GRM5: variants seen among roughly 807,000 people sequenced by gnomAD.
GRM5 encodes metabotropic glutamate receptor 5.
Under a neutral mutation model 83.1 loss-of-function variants are expected in GRM5, and 19 were observed. That is an observed-to-expected ratio of 0.23 (90% CI 0.16 to 0.34). The LOEUF (loss-of-function observed/expected upper bound fraction) is 0.34. Among genes scored for constraint, GRM5 ranks in the 10% least tolerant of loss-of-function variants. The pLI, the probability that GRM5 is intolerant of heterozygous loss-of-function variation, is 1.00. For synonymous variants in GRM5, 675 were observed against 633.6 expected (o/e 1.07, Z -0.98); for missense variants, 1,160 against 1,588.3 (o/e 0.73, Z 4.58).
At chr11:88,935,787 A>G (rs184143045) in intron 2 of GRM5, among the ~76,000 whole-genome samples, 54 of 152,058 alleles carry the variant, frequency 3.6e-4, no homozygotes, top group Admixed American at 2.6e-4. Flanking sequence ...GGTTGTTCAT[A>G]TATTATTTCC....
intron 4 of GRM5, among the ~76,000 whole-genome samples, chr11:88,624,415 G>A (rs1360583104): frequency 2.0e-5 from 3 of 152,132 alleles, no homozygotes; most frequent in Non-Finnish European, 1.5e-5. Flanking sequence ...GAGAGGATAA[G>A]AGAAAACCCG....
intron 2 of GRM5, among the ~76,000 whole-genome samples, chr11:89,002,891 C>T (rs1459294937): frequency 6.6e-6 from 1 of 152,040 alleles, no homozygotes. Context: ...CAGTAAGGCT[C>T]ACCCAGAGAA....
intron 2 of GRM5, among the ~76,000 whole-genome samples, chr11:88,978,474 TAAAAAAAAAAAAAAAAA>T (rs200343438): frequency 0.055 from 5,355 of 98,066 alleles, 486 homozygotes; most frequent in African/African-American, 0.19. Context: ...CAGATGAGCT[TAAAAAAAAAAAAAAAAA>T]AAAAAAAAAA....
intron 3 of GRM5, among the ~76,000 whole-genome samples, chr11:88,751,090 A>AAAT (rs1942264041): frequency 7.1e-6 from 1 of 140,358 alleles, no homozygotes. Context: ...AAAAAAAAAA[A>AAAT]AAAAACAAAG....
intron 1 of GRM5, among the ~76,000 whole-genome samples, chr11:89,062,239 A>G (rs901876771): frequency 1.3e-4 from 20 of 152,202 alleles, no homozygotes; most frequent in African/African-American, 4.8e-4. Flanking sequence ...AACTCCCTGC[A>G]CTCCATAAAG....
At chr11:88,695,229 G>C (rs1387299292) in intron 3 of GRM5, among the ~76,000 whole-genome samples, 2 of 152,030 alleles carry the variant, frequency 1.3e-5, no homozygotes. Context: ...ATAACCTCTA[G>C]AAATAGTTAC....
intron 3 of GRM5, among the ~76,000 whole-genome samples, chr11:88,799,963 G>A (rs1364994816): frequency 6.6e-6 from 1 of 152,118 alleles, no homozygotes; most frequent in East Asian, 1.9e-4. Flanking sequence ...CAATGGAAAT[G>A]AGAATCAACC....
intron 3 of GRM5, among the ~76,000 whole-genome samples, chr11:88,845,527 G>C (rs1286095630): frequency 7.0e-6 from 1 of 141,930 alleles, no homozygotes; most frequent in South Asian, 2.3e-4. Flanking sequence ...TCTGCCTCCC[G>C]GGTTTGCGCC....
intron 3 of GRM5, among the ~76,000 whole-genome samples, chr11:88,824,658 T>G (rs1943863383): frequency 6.6e-6 from 1 of 152,172 alleles, no homozygotes; most frequent in Non-Finnish European, 1.5e-5. Flanking sequence ...AATCTAATGC[T>G]ACCACTGATC....
chr11:88,598,473 G>T (rs1351761928), intron 5 of GRM5, among the ~76,000 whole-genome samples: 2 of 149,424 alleles, frequency 1.3e-5, no homozygotes, highest in East Asian at 2.0e-4. Context: ...CCTCATTCTT[G>T]TTTTGTTGGT....
rs569100242 is a variant in GRM5, at chr11:88,754,638, T to C, written c.911+95268A>G. Among the ~76,000 whole-genome samples the C allele has an allele frequency of 9.2e-5, 14 of 152,272 alleles. 1 individual carries two copies. In the South Asian group the frequency reaches 2.9e-3, roughly 32 times the overall value. Reference sequence around the variant, plus strand: ...TATCCTTATCAATTCCTACATTTTCTATAAAAAATTTACAGTTATTGGGTA... The same window carrying C: ...TATCCTTATCAATTCCTACATTTTCCATAAAAAATTTACAGTTATTGGGTA... On this transcript the variant is annotated intron_variant, in intron 3 of 9. Transcript: ENST00000305447.
At chr11:89,063,756 G>T (rs910091483) in intron 1 of GRM5, 2 of 152,272 alleles carry the variant, frequency 1.3e-5, no homozygotes, top group African/African-American at 4.8e-5. Flanking sequence ...AGAGAACAGA[G>T]TTCTTTGCGC....
intron 2 of GRM5, among the ~76,000 whole-genome samples, chr11:88,875,239 TTCA>T (rs1264555753): frequency 6.6e-6 from 1 of 151,998 alleles, no homozygotes; most frequent in Non-Finnish European, 1.5e-5. Context: ...TCATTCTCAT[TTCA>T]TCAAGGCTCA....
intron 3 of GRM5, among the ~76,000 whole-genome samples, chr11:88,704,400 C>G (rs1447302644): frequency 1.3e-5 from 2 of 152,044 alleles, no homozygotes; most frequent in Admixed American, 1.3e-4. Context: ...CACTCTTACA[C>G]ACAGAGCATC....
intron 7 of GRM5, among the ~76,000 whole-genome samples, chr11:88,588,282 T>C (rs1302057171): frequency 6.6e-6 from 1 of 152,214 alleles, no homozygotes; most frequent in Non-Finnish European, 1.5e-5. Context: ...TATTGGCTCT[T>C]TCCAACTTTA....
intron 3 of GRM5, among the ~76,000 whole-genome samples, chr11:88,782,313 G>C (rs1942989662): frequency 6.6e-6 from 1 of 152,080 alleles, no homozygotes; most frequent in African/African-American, 2.4e-5. Flanking sequence ...ACGTGTCTAG[G>C]GAAGCCTCAC....
rs1452936962 is a variant in GRM5 at position 89,033,786 on chromosome 11, G to A, written c.661+13426C>T. 2.6e-5 allele frequency among the ~76,000 whole-genome samples: 4 copies of A among 151,702 alleles called. No homozygotes were observed. In the South Asian group the frequency reaches 8.3e-4, roughly 32 times the overall value. On this transcript the variant is annotated intron_variant, in intron 2 of 9. Coordinates refer to ENST00000305447, the MANE Select transcript of GRM5 (RefSeq NM_001143831.3). The stretch of plus-strand genomic sequence containing the variant: ...TTAAAAAAAGGTACATTCCAAATAC[G>A]TGAAAGCAATTCAATCCAAACATCA...
chr11:88,824,738 C>T (rs900220544), intron 3 of GRM5, among the ~76,000 whole-genome samples: 2 of 152,134 alleles, frequency 1.3e-5, no homozygotes, highest in Non-Finnish European at 2.9e-5. Context: ...TTGCCTGGTT[C>T]CTAACAGGCC....
rs180716756 is a variant in GRM5 at position 88,744,818 on chromosome 11, C to T, written c.912-91415G>A. ...GAATCTAAAAAATAATATCCAAGAA[C>T]CATTTAAAAAGTGAAAACATTTGGC... On this transcript the variant is annotated intron_variant, in intron 3 of 9. Transcript: ENST00000305447. 2.0e-5 allele frequency among the ~76,000 whole-genome samples: 3 copies of T among 152,200 alleles called. No individual in the cohort carries two copies. In the East Asian group the frequency reaches 5.8e-4, roughly 29 times the overall value.
Sources: gnomAD v4.1 joint callset for allele counts (sites outside exome capture counted in the v4.1 genomes callset) on GRCh38, gnomAD v4.1.1 for gene constraint, MANE v1.5 for transcripts, NCBI Gene and HGNC (gene_info 2026-07-23, HGNC 2026-07-21) for gene names.